SPMIP2: variants seen among roughly 807,000 people sequenced by gnomAD.
SPMIP2 encodes the protein protein SPMIP2.
the SPMIP2 span, among the ~76,000 whole-genome samples, chr4:158,982,337 T>C: frequency 0.011 from 1,631 of 152,270 alleles, 18 homozygotes; most frequent in Middle Eastern, 0.048. Flanking sequence ...TTAACAAGGA[T>C]ATTCAGGACT....
the SPMIP2 span, among the ~76,000 whole-genome samples, chr4:158,896,777 GTT>G: frequency 2.3e-5 from 3 of 132,174 alleles, no homozygotes; most frequent in Admixed American, 7.6e-5. Context: ...TCTCTTTGTC[GTT>G]TTTTTTTTTT....
At chr4:158,960,840 A>G in the SPMIP2 span, among the ~76,000 whole-genome samples, 8 of 152,140 alleles carry the variant, frequency 5.3e-5, no homozygotes, top group Non-Finnish European at 1.0e-4. Flanking sequence ...CAGAGTATTG[A>G]TAACATATTT....
the SPMIP2 span, among the ~76,000 whole-genome samples, chr4:159,066,232 T>C: frequency 6.6e-6 from 1 of 152,114 alleles, no homozygotes; most frequent in Non-Finnish European, 1.5e-5. Flanking sequence ...TGCTGGAAAA[T>C]AACTAATGCA....
At chr4:159,004,640 C>G in the SPMIP2 span, among the ~76,000 whole-genome samples, 2 of 148,762 alleles carry the variant, frequency 1.3e-5, no homozygotes, top group South Asian at 4.1e-4. Context: ...TCCTAGATTC[C>G]TAGCCTGGGT....
the SPMIP2 span, among the ~76,000 whole-genome samples, chr4:158,924,820 G>GT: frequency 6.6e-6 from 1 of 152,116 alleles, no homozygotes; most frequent in Non-Finnish European, 1.5e-5. Context: ...TGACCATGTG[G>GT]TTTTTATCCT....
chr4:158,940,806 T>A, the SPMIP2 span, among the ~76,000 whole-genome samples: 4 of 152,208 alleles, frequency 2.6e-5, no homozygotes, highest in African/African-American at 9.7e-5. Flanking sequence ...TGTATATTGA[T>A]CCATTGCAGC....
chr4:158,945,899 G>A, the SPMIP2 span, among the ~76,000 whole-genome samples: 1 of 152,000 alleles, frequency 6.6e-6, no homozygotes, highest in Non-Finnish European at 1.5e-5. Flanking sequence ...TAAAATCTTA[G>A]CTCATCTGTT....
chr4:158,918,109 G>A, the SPMIP2 span, among the ~76,000 whole-genome samples: 24 of 152,150 alleles, frequency 1.6e-4, no homozygotes, highest in Non-Finnish European at 2.2e-4. Context: ...TAAAAGGCCC[G>A]GAGTGTATCT....
the SPMIP2 span, among the ~76,000 whole-genome samples, chr4:158,997,888 C>T: frequency 6.6e-6 from 1 of 152,172 alleles, no homozygotes; most frequent in Non-Finnish European, 1.5e-5. Context: ...AACCCCTGGC[C>T]TCAAGTGATC....
the SPMIP2 span, among the ~76,000 whole-genome samples, chr4:158,996,846 C>T: frequency 6.6e-6 from 1 of 152,182 alleles, no homozygotes; most frequent in Non-Finnish European, 1.5e-5. Context: ...TTTTATTCAC[C>T]AGGATTGAGT....
the SPMIP2 span, among the ~76,000 whole-genome samples, chr4:159,052,211 T>A: frequency 0.17 from 26,558 of 152,074 alleles, 2,691 homozygotes; most frequent in African/African-American, 0.28. Flanking sequence ...TTTGATTTCT[T>A]TTTTTTCCAG....
At chr4:158,896,996 G>GC in the SPMIP2 span, among the ~76,000 whole-genome samples, 1 of 146,584 alleles carries the variant, frequency 6.8e-6, no homozygotes, top group Non-Finnish European at 1.5e-5. Context: ...CCCACCCCCA[G>GC]CCCCCCACCC....
the SPMIP2 span, among the ~76,000 whole-genome samples, chr4:158,916,461 A>C: frequency 6.6e-6 from 1 of 152,120 alleles, no homozygotes; most frequent in Non-Finnish European, 1.5e-5. Flanking sequence ...AGAATCACAG[A>C]ATCCCTGTGG....
chr4:158,947,426 C>A, the SPMIP2 span, among the ~76,000 whole-genome samples: 1 of 152,148 alleles, frequency 6.6e-6, no homozygotes, highest in Non-Finnish European at 1.5e-5. Flanking sequence ...ACAGGCACAC[C>A]TTACACCTTT....
the SPMIP2 span, among the ~76,000 whole-genome samples, chr4:158,954,707 A>T: frequency 6.6e-6 from 1 of 152,228 alleles, no homozygotes; most frequent in East Asian, 1.9e-4. Flanking sequence ...AGAACAAAAG[A>T]TTATCACAGA....
At chr4:159,007,193 T>C in the SPMIP2 span, 6 of 1,268,918 alleles carry the variant, frequency 4.7e-6, no homozygotes, top group Admixed American at 5.3e-5. Flanking sequence ...CAGAATCTTT[T>C]CCAGGAGGCT....
At chr4:158,985,282 A>T in the SPMIP2 span, among the ~76,000 whole-genome samples, 1 of 141,828 alleles carries the variant, frequency 7.1e-6, no homozygotes, top group Non-Finnish European at 1.5e-5. Flanking sequence ...CACTCATTTT[A>T]TGAGGTCAGC....
At chr4:159,005,802 T>C in the SPMIP2 span, among the ~76,000 whole-genome samples, 4,182 of 152,342 alleles carry the variant, frequency 0.027, 185 homozygotes, top group African/African-American at 0.092. Flanking sequence ...TTTCACTCTG[T>C]TGCCCAGGCT....
chr4:158,943,121 C>T, the SPMIP2 span, among the ~76,000 whole-genome samples: 4 of 152,234 alleles, frequency 2.6e-5, no homozygotes, highest in East Asian at 1.9e-4. Context: ...TAATGCTTAC[C>T]GCTGCAGTCT....
Sources: gnomAD v4.1 joint callset for allele counts (sites outside exome capture counted in the v4.1 genomes callset) on GRCh38, gnomAD v4.1.1 for gene constraint, MANE v1.5 for transcripts, NCBI Gene and HGNC (gene_info 2026-07-23, HGNC 2026-07-21) for gene names.